Variants in ANO6 observed in about 807,000 individuals in gnomAD.
ANO6 encodes anoctamin-6.
A neutral mutation model predicts 117.5 loss-of-function variants in ANO6; 106 were observed. That is an observed-to-expected ratio of 0.90 (90% confidence interval 0.77 to 1.06). The LOEUF is 1.06. Among genes scored for constraint, ANO6 ranks in the 50% least tolerant of loss-of-function variants. The pLI, the probability that ANO6 is intolerant of heterozygous loss-of-function variation, is 0.00. For missense variants in ANO6, 955 were observed against 1,121.1 expected (o/e 0.85, Z 2.12); for synonymous variants, 367 against 385.1 (o/e 0.95, Z 0.55).
intron 3 of ANO6, among the ~76,000 whole-genome samples, chr12:45,342,708 T>G (rs777372708): frequency 6.6e-6 from 1 of 152,220 alleles, no homozygotes; most frequent in Non-Finnish European, 1.5e-5. Context: ...ATCAGACATT[T>G]ATTGTGTGCT....
intron 1 of ANO6, among the ~76,000 whole-genome samples, chr12:45,299,120 T>C (rs1029594497): frequency 3.3e-5 from 5 of 152,204 alleles, no homozygotes; most frequent in Admixed American, 2.6e-4. Flanking sequence ...GGTCTTTTCT[T>C]CCAAATGTAA....
intron 1 of ANO6, among the ~76,000 whole-genome samples, chr12:45,218,520 A>G (rs1947350787): frequency 6.6e-6 from 1 of 150,526 alleles, no homozygotes; most frequent in African/African-American, 2.5e-5. Flanking sequence ...TAAGCCTCCC[A>G]AGTAGCTGGG....
intron 1 of ANO6, among the ~76,000 whole-genome samples, chr12:45,248,677 CAA>C (rs577147787): frequency 4.5e-4 from 68 of 152,004 alleles, no homozygotes; most frequent in Non-Finnish European, 8.4e-4. Context: ...CTCAGCTTCC[CAA>C]AGTGCTGGGA....
intron 9 of ANO6, among the ~76,000 whole-genome samples, chr12:45,368,005 TAG>T (rs758037319): frequency 3.9e-5 from 6 of 152,200 alleles, no homozygotes; most frequent in Non-Finnish European, 7.4e-5. Flanking sequence ...TAAAATCTCA[TAG>T]AGTGTCAGTG....
intron 1 of ANO6, among the ~76,000 whole-genome samples, chr12:45,229,350 T>G (rs1947536924): frequency 6.6e-6 from 1 of 151,884 alleles, no homozygotes; most frequent in Non-Finnish European, 1.5e-5. Flanking sequence ...TTTCTTATTC[T>G]TGGGCTGTCT....
rs140544847 is a variant in ANO6 at position 45,229,269 on chromosome 12, G to T, written c.70+12878G>T. ...GGCACCCTGCTGTATGTACTGTGGA[G>T]AGCTATGTTGAGGAAGAAATGGGCT... On this transcript the variant is annotated intron_variant, in intron 1 of 19. Transcript: ENST00000320560. Among the ~76,000 whole-genome samples the T allele has an allele frequency of 1.0e-3, 153 of 152,224 alleles. 2 individuals are homozygous for T. The South Asian group carries it at 0.01, about 10-fold the overall frequency.
rs1417757339 is a variant in ANO6, at chr12:45,421,072, CCATGATCATAGCTTTCACGTCGGA to C, written c.2227_2250del (p.Ile743_Ile750del). The C allele has an allele frequency of 6.2e-7, 1 of 1,613,890 alleles. No individual in the cohort carries two copies. Among genetic ancestry groups the C allele is most frequent in the African/African-American group, 1.3e-5 (1 of 74,916 alleles). On this transcript the variant is annotated inframe_deletion and splice_region_variant, in exon 18 of 20. Transcript: ENST00000320560. ...CGCTTTGTTTTTCTCCCAAAATAGG[CCATGATCATAGCTTTCACGTCGGA>C]CATGATCCCCCGCCTAGTGTACTAC...
At chr12:45,275,267 G>A (rs1005917179) in intron 1 of ANO6, among the ~76,000 whole-genome samples, 1 of 152,130 alleles carries the variant, frequency 6.6e-6, no homozygotes, top group Non-Finnish European at 1.5e-5. Flanking sequence ...CTGGAGTGCA[G>A]TAGCGCCATC....
rs149270397 is a variant in ANO6 at position 45,236,681 on chromosome 12, A to G, written c.70+20290A>G. Among the ~76,000 whole-genome samples, 1,454 of 152,350 alleles carry G rather than the reference A, an allele frequency of 9.5e-3. 24 individuals carry two copies. Among genetic ancestry groups the G allele is most frequent in the African/African-American group, 0.033 (1,361 of 41,570 alleles). The stretch of plus-strand genomic sequence containing the variant: ...CTTTGCTATTGTGAATAGTGCTGCA[A>G]TAAACATACGTGTGCATGTGTCTTC... On this transcript the variant is annotated intron_variant, in intron 1 of 19. Transcript: ENST00000320560.
chr12:45,303,162 G>T (rs1939553420), intron 2 of ANO6, among the ~76,000 whole-genome samples: 1 of 152,138 alleles, frequency 6.6e-6, no homozygotes, highest in South Asian at 2.1e-4. Context: ...GGACTCCTGT[G>T]GTGTACTAGC....
intron 1 of ANO6, among the ~76,000 whole-genome samples, chr12:45,227,702 C>T (rs1340238945): frequency 6.6e-6 from 1 of 152,068 alleles, no homozygotes; most frequent in Non-Finnish European, 1.5e-5. Flanking sequence ...TCAAACATTG[C>T]TGTCCATTTT....
chr12:45,224,350 C>T (rs1428590347), intron 1 of ANO6, among the ~76,000 whole-genome samples: 4 of 152,046 alleles, frequency 2.6e-5, no homozygotes, highest in Admixed American at 6.6e-5. Context: ...GCCTTATTCA[C>T]GATGGCAAGG....
chr12:45,302,663 A>G (rs1480012564), intron 2 of ANO6, among the ~76,000 whole-genome samples: 1 of 152,228 alleles, frequency 6.6e-6, no homozygotes, highest in African/African-American at 2.4e-5. Context: ...AAATCTTATT[A>G]GAAGCTACTA....
intron 9 of ANO6, among the ~76,000 whole-genome samples, chr12:45,371,006 C>G (rs1003809603): frequency 6.6e-6 from 1 of 152,216 alleles, no homozygotes; most frequent in Non-Finnish European, 1.5e-5. Flanking sequence ...GGTGCACGCA[C>G]CGTGCGCGAG....
chr12:45,250,256 C>T (rs2137185617), intron 1 of ANO6, among the ~76,000 whole-genome samples: 1 of 152,314 alleles, frequency 6.6e-6, no homozygotes, highest in Admixed American at 6.5e-5. Context: ...GAGGCTAATA[C>T]TAATGTCTGC....
intron 1 of ANO6, among the ~76,000 whole-genome samples, chr12:45,231,802 C>A (rs1014122441): frequency 3.4e-4 from 52 of 152,250 alleles, no homozygotes; most frequent in African/African-American, 8.4e-4. Context: ...TCCAAACAGG[C>A]CTTTTATCTG....
rs746579185 is a variant in ANO6 at position 45,240,925 on chromosome 12, T to A, written c.70+24534T>A. Among the ~76,000 whole-genome samples, 6 of 152,176 alleles carry A rather than the reference T, an allele frequency of 3.9e-5. No individual in the cohort carries two copies. In the South Asian group the frequency reaches 1.0e-3, roughly 26 times the overall value. On this transcript the variant is annotated intron_variant, in intron 1 of 19. Coordinates refer to ENST00000320560, the MANE Select transcript of ANO6 (RefSeq NM_001025356.3). Reference sequence around the variant, plus strand: ...GGTTTCTGCTGAGAGATGCGCTGTTTGTCTGATGGGCTTCCCTTTGTGGGT... The same window carrying A: ...GGTTTCTGCTGAGAGATGCGCTGTTAGTCTGATGGGCTTCCCTTTGTGGGT...
In ANO6 at chr12:45,423,732, C is replaced by G. The variant is rs532335329; in HGVS notation, c.2526+670C>G. On this transcript the variant is annotated intron_variant, in intron 19 of 19. Transcript: ENST00000320560. ...AGTCTATCCAATTCTTGGGTTTGCT[C>G]TCATATATGTGTCCCCTTTATGGCT... Among the ~76,000 whole-genome samples the G allele has an allele frequency of 4.6e-5, 7 of 152,284 alleles. No homozygotes were observed. The South Asian group carries it at 1.5e-3, about 32-fold the overall frequency.
At chr12:45,374,624 G>T (rs1186927699) in intron 9 of ANO6, among the ~76,000 whole-genome samples, 3 of 123,476 alleles carry the variant, frequency 2.4e-5, no homozygotes, top group African/African-American at 6.5e-5. Flanking sequence ...CTCAATAGAT[G>T]CAGAAAAGGC....
Sources: gnomAD v4.1 joint callset for allele counts (sites outside exome capture counted in the v4.1 genomes callset) on GRCh38, gnomAD v4.1.1 for gene constraint, MANE v1.5 for transcripts, NCBI Gene and HGNC (gene_info 2026-07-23, HGNC 2026-07-21) for gene names.